Variants in CREBBP observed in about 807,000 individuals in gnomAD.
CREBBP encodes CREB-binding protein.
A neutral mutation model predicts 265.0 loss-of-function variants in CREBBP; 19 were observed. The observed-to-expected ratio is 0.07, with a 90% CI of 0.05 to 0.11. CREBBP has a LOEUF of 0.11. Among genes scored for constraint, CREBBP ranks in the 10% least tolerant of loss-of-function variants. The pLI, the probability that CREBBP is intolerant of heterozygous loss-of-function variation, is 1.00. For missense variants in CREBBP, 2,525 were observed against 3,219.0 expected (o/e 0.78, Z 5.22); for synonymous variants, 1,457 against 1,223.7 (o/e 1.19, Z -3.98).
At chr16:3,828,824 C>T (rs1447099895) in intron 2 of CREBBP, among the ~76,000 whole-genome samples, 1 of 152,138 alleles carries the variant, frequency 6.6e-6, no homozygotes. Flanking sequence ...ATATTTTACT[C>T]CTTGTTATAA....
intron 3 of CREBBP, among the ~76,000 whole-genome samples, chr16:3,807,499 T>C (rs2053853377): frequency 6.6e-6 from 1 of 152,198 alleles, no homozygotes; most frequent in African/African-American, 2.4e-5. Context: ...TGAGGCCAGA[T>C]ATAATTTTCA....
At chr16:3,774,763 T>C in intron 11 of CREBBP, 70 bp from the exon 12 acceptor site, 1 of 1,594,468 alleles carries the variant, frequency 6.3e-7, no homozygotes, top group Non-Finnish European at 8.6e-7. Flanking sequence ...ACTTGCTAAA[T>C]AAACTCTTAA....
At chr16:3,804,551 A>G (rs2053791122) in intron 3 of CREBBP, among the ~76,000 whole-genome samples, 1 of 152,182 alleles carries the variant, frequency 6.6e-6, no homozygotes. Context: ...TTATATTCGC[A>G]TTACTGCTAG....
At chr16:3,758,825 T>G in intron 17 of CREBBP, 29 bp downstream of exon 17, 2 of 1,525,510 alleles carry the variant, frequency 1.3e-6, no homozygotes, top group Admixed American at 1.7e-5. Flanking sequence ...ACCAGCAAAG[T>G]TATAATCTAT....
At chr16:3,771,772 A>G (rs1404230077) in intron 13 of CREBBP, among the ~76,000 whole-genome samples, 2 of 150,418 alleles carry the variant, frequency 1.3e-5, no homozygotes, top group Non-Finnish European at 1.5e-5. Flanking sequence ...AGAATTCATC[A>G]TGCAACTTGG....
intron 2 of CREBBP, among the ~76,000 whole-genome samples, chr16:3,824,388 G>C (rs1224730192): frequency 6.6e-6 from 1 of 152,234 alleles, no homozygotes; most frequent in African/African-American, 2.4e-5. Flanking sequence ...CCACAAAAAA[G>C]TGGTAGGATG....
chr16:3,859,337 C>T (rs912329848), intron 1 of CREBBP, among the ~76,000 whole-genome samples: 5 of 152,040 alleles, frequency 3.3e-5, no homozygotes, highest in Non-Finnish European at 7.4e-5. Flanking sequence ...GGATTACAGG[C>T]GCATACCACC....
At chr16:3,744,029 T>C (rs994250162) in intron 23 of CREBBP, among the ~76,000 whole-genome samples, 3 of 151,990 alleles carry the variant, frequency 2.0e-5, no homozygotes, top group Non-Finnish European at 4.4e-5. Context: ...TGAGCTGAGA[T>C]TGCACCACTG....
chr16:3,748,589 G>C (rs2052401983), intron 21 of CREBBP, among the ~76,000 whole-genome samples: 1 of 152,216 alleles, frequency 6.6e-6, no homozygotes, highest in Non-Finnish European at 1.5e-5. Context: ...CCTGGAGAGG[G>C]TCAGGATAGG....
chr16:3,793,436 T>C lies in CREBBP; in HGVS notation c.1166A>G (p.Lys389Arg), dbSNP rs758476806. Reference sequence around the variant, plus strand: ...ATGCGTCATGTGATTCAAAACGTTTTTCATGGTTCGACAATGCGGGAGCGA... The same window carrying C: ...ATGCGTCATGTGATTCAAAACGTTTCTCATGGTTCGACAATGCGGGAGCGA... ...ACSLPHCRTM[K>R]NVLNHMTHCQ... Residue 389 changes from lysine (K) to arginine (R), a missense_variant, in exon 4 of 31, where the codon AAA becomes AGA. Lys to Arg is a conservative substitution (Grantham distance 26). Coordinates refer to ENST00000262367, the MANE Select transcript of CREBBP (RefSeq NM_004380.3). 6.2e-7 allele frequency: 1 copy of C among 1,614,162 alleles called. No individual in the cohort carries two copies. Among genetic ancestry groups the C allele is most frequent in the South Asian group, 1.1e-5 (1 of 91,078 alleles).
chr16:3,735,126 C>T (rs772106775), intron 28 of CREBBP, among the ~76,000 whole-genome samples: 1 of 152,194 alleles, frequency 6.6e-6, no homozygotes, highest in Non-Finnish European at 1.5e-5. Flanking sequence ...CACCGCCTGG[C>T]GGGTCCTCTT....
intron 3 of CREBBP, among the ~76,000 whole-genome samples, chr16:3,810,308 T>C (rs2053912257): frequency 6.6e-6 from 1 of 152,236 alleles, no homozygotes; most frequent in Non-Finnish European, 1.5e-5. Flanking sequence ...CCAGTGTCTC[T>C]GGTTCTCATG....
chr16:3,783,536 C>A (rs1486513217), intron 5 of CREBBP, among the ~76,000 whole-genome samples: 1 of 152,240 alleles, frequency 6.6e-6, no homozygotes, highest in Non-Finnish European at 1.5e-5. Flanking sequence ...TCCTATGCAG[C>A]AGAGCACCAT....
At chr16:3,876,826 C>T (rs1368253785) in intron 1 of CREBBP, among the ~76,000 whole-genome samples, 6 of 152,166 alleles carry the variant, frequency 3.9e-5, no homozygotes, top group African/African-American at 1.2e-4. Context: ...TCCCAGGCTT[C>T]GGCAACTTGT....
chr16:3,742,604 A>C lies in CREBBP; in HGVS notation c.3983-2055T>G, dbSNP rs1386612222. 3 of 151,988 alleles carry C rather than the reference A, an allele frequency of 2.0e-5. No homozygotes were observed. In the East Asian group the frequency reaches 5.8e-4, roughly 29 times the overall value. The allele number at this position is 151,988 out of a possible 1,614,324, so 9.4% of individuals were successfully genotyped here. A position where few individuals can be genotyped will look rare whatever the true frequency, so the allele number is the denominator to read the frequency against. ...ACAATAAAATTATTATCTTACTTTT[A>C]TCCTGAATGCATCTGCAGTTTTGTT... On this transcript the variant is annotated intron_variant, in intron 23 of 30. Coordinates refer to ENST00000262367, the MANE Select transcript of CREBBP (RefSeq NM_004380.3).
At chr16:3,745,173 C>G (rs1015592923) in intron 22 of CREBBP, 104 bp downstream of exon 22, 1 of 1,137,446 alleles carries the variant, frequency 8.8e-7, no homozygotes, top group Admixed American at 2.0e-5. Flanking sequence ...CTCTTAATCG[C>G]TGAATTCTTG....
rs369907381 is a variant in CREBBP at position 3,775,664 on chromosome 16, T to A, written c.2159-971A>T. The stretch of plus-strand genomic sequence containing the variant: ...GTAAGCTTCCCCACTCCTTGAGAAT[T>A]TTTTTAAACAAAATGAAAAACAATT... On this transcript the variant is annotated intron_variant, in intron 11 of 30. Coordinates refer to ENST00000262367, the MANE Select transcript of CREBBP (RefSeq NM_004380.3). Among the ~76,000 whole-genome samples the A allele has an allele frequency of 6.6e-5, 10 of 152,350 alleles. No homozygotes were observed. The South Asian group carries it at 2.1e-3, about 32-fold the overall frequency.
Position 3,736,006 on chromosome 16 carries a change from G to C in CREBBP, c.4728+30C>G, listed in dbSNP as rs200074220. ...ACCCTGCAGCTCCAGCGGGACACGTGGGCAATGGAGCTCAGAGAAGGGTCT... is the reference window on the plus strand; with the variant it reads ...ACCCTGCAGCTCCAGCGGGACACGTCGGCAATGGAGCTCAGAGAAGGGTCT... On this transcript the variant is annotated intron_variant, in intron 28 of 30. Coordinates refer to ENST00000262367, the MANE Select transcript of CREBBP (RefSeq NM_004380.3). 2.7e-5 allele frequency: 44 copies of C among 1,614,040 alleles called. No homozygotes were observed. In the Admixed American group the frequency reaches 5.8e-4, roughly 21 times the overall value.
intron 30 of CREBBP, among the ~76,000 whole-genome samples, chr16:3,730,138 T>C (rs1278696642): frequency 1.3e-5 from 2 of 152,058 alleles, no homozygotes; most frequent in Non-Finnish European, 2.9e-5. Flanking sequence ...TATGTGTTGC[T>C]CCCAAGGACC....
Sources: gnomAD v4.1 joint callset for allele counts (sites outside exome capture counted in the v4.1 genomes callset) on GRCh38, gnomAD v4.1.1 for gene constraint, MANE v1.5 for transcripts, NCBI Gene and HGNC (gene_info 2026-07-23, HGNC 2026-07-21) for gene names.